ABTB2: variants seen among roughly 807,000 people sequenced by gnomAD.
ABTB2 encodes the protein ankyrin repeat and BTB/POZ domain-containing protein 2.
ABTB2 carries 56 observed loss-of-function variants against 104.1 expected under a neutral mutation model. The observed-to-expected ratio is 0.54, with a 90% CI of 0.43 to 0.67. ABTB2 has a LOEUF of 0.67. ABTB2 is among the 30% of genes least tolerant of loss of function. ABTB2 has a pLI of 0.00. For synonymous variants in ABTB2, 606 were observed against 608.2 expected, an observed-to-expected ratio of 1.00 and a Z score of 0.05; for missense variants, 1,279 against 1,407.7, an observed-to-expected ratio of 0.91 and a Z score of 1.46.
chr11:34,263,048 G>C (rs1013734642), intron 1 of ABTB2, among the ~76,000 whole-genome samples: 1 of 152,160 alleles, frequency 6.6e-6, no homozygotes, highest in Non-Finnish European at 1.5e-5. Flanking sequence ...CCAGGGCCCT[G>C]ATGCTAAAGG....
chr11:34,300,116 G>A (rs1385423722), intron 1 of ABTB2, among the ~76,000 whole-genome samples: 2 of 152,082 alleles, frequency 1.3e-5, no homozygotes, highest in Non-Finnish European at 2.9e-5. Flanking sequence ...AGAATATATT[G>A]TTTTCTTTAG....
At chr11:34,325,508 G>C (rs1251687853) in intron 1 of ABTB2, among the ~76,000 whole-genome samples, 1 of 152,192 alleles carries the variant, frequency 6.6e-6, no homozygotes, top group African/African-American at 2.4e-5. Flanking sequence ...TAGCATTATT[G>C]AAATAGCAAT....
At chr11:34,282,447 A>G (rs968934023) in intron 1 of ABTB2, among the ~76,000 whole-genome samples, 6 of 152,200 alleles carry the variant, frequency 3.9e-5, no homozygotes, top group Non-Finnish European at 7.3e-5. Context: ...TGTAAAGAAA[A>G]TATCTATATG....
At chr11:34,246,601 CAAA>C (rs60681759) in intron 1 of ABTB2, among the ~76,000 whole-genome samples, 1 of 34,770 alleles carries the variant, frequency 2.9e-5, no homozygotes, top group South Asian at 1.7e-3. Context: ...AACTCCATCT[CAAA>C]AAAAAAAAAA....
At chr11:34,291,788 G>A (rs1854567215) in intron 1 of ABTB2, among the ~76,000 whole-genome samples, 1 of 152,122 alleles carries the variant, frequency 6.6e-6, no homozygotes, top group Non-Finnish European at 1.5e-5. Context: ...GAGCCACCAC[G>A]CCCGGCCTGA....
At chr11:34,198,223 G>A (rs1853287590) in intron 2 of ABTB2, among the ~76,000 whole-genome samples, 1 of 152,132 alleles carries the variant, frequency 6.6e-6, no homozygotes, top group African/African-American at 2.4e-5. Flanking sequence ...CCAGGAGTTT[G>A]AGACCAGCCT....
At chr11:34,317,215 A>G (rs1854943413) in intron 1 of ABTB2, among the ~76,000 whole-genome samples, 1 of 152,218 alleles carries the variant, frequency 6.6e-6, no homozygotes. Flanking sequence ...TTTATATTCT[A>G]GATATGCCTG....
At chr11:34,229,215 G>A (rs559537928) in intron 1 of ABTB2, among the ~76,000 whole-genome samples, 23 of 151,894 alleles carry the variant, frequency 1.5e-4, no homozygotes, top group Non-Finnish European at 2.9e-4. Context: ...GGGTGCGGTG[G>A]CTCACGCCTG....
At chr11:34,273,397 G>A (rs1437231992) in intron 1 of ABTB2, among the ~76,000 whole-genome samples, 2 of 152,204 alleles carry the variant, frequency 1.3e-5, no homozygotes, top group East Asian at 1.9e-4. Context: ...AACCTCGACC[G>A]ACTCCAGGTT....
chr11:34,151,963 C>CGGTGGTCGCCG lies in ABTB2; in HGVS notation c.*423_*424insCGGCGACCACC. On this transcript the variant is annotated 3_prime_UTR_variant, in exon 17 of 17. Coordinates refer to ENST00000435224, the MANE Select transcript of ABTB2 (RefSeq NM_145804.3). ...ACTGGGGGCCTAGGCAGTATGCATT[C>CGGTGGTCGCCG]TATACATTCATAAGGATTCCTGTAC... 1 of 201,880 alleles carries CGGTGGTCGCCG rather than the reference C, an allele frequency of 5.0e-6. No individual in the cohort carries two copies. The highest frequency in any genetic ancestry group is 1.0e-5 in the Non-Finnish European group (1 of 98,476). 12.5% of individuals were successfully genotyped at this position (201,880 alleles called of 1,614,324 possible).
chr11:34,223,479 G>A (rs1212742387), intron 1 of ABTB2, among the ~76,000 whole-genome samples: 1 of 152,170 alleles, frequency 6.6e-6, no homozygotes, highest in East Asian at 1.9e-4. Context: ...ATCATTAGGA[G>A]CGTAGGCTGC....
intron 1 of ABTB2, among the ~76,000 whole-genome samples, chr11:34,339,457 T>G: frequency 6.6e-6 from 1 of 152,320 alleles, no homozygotes; most frequent in African/African-American, 2.4e-5. Flanking sequence ...AAGAAGAGTC[T>G]GAGTTACCCA....
chr11:34,226,089 A>G (rs1853682472), intron 1 of ABTB2, among the ~76,000 whole-genome samples: 2 of 150,492 alleles, frequency 1.3e-5, no homozygotes, highest in East Asian at 4.0e-4. Context: ...GTAGTCCCAG[A>G]TACTTGGGAG....
chr11:34,301,187 C>T (rs542649170), intron 1 of ABTB2, among the ~76,000 whole-genome samples: 1 of 152,312 alleles, frequency 6.6e-6, no homozygotes, highest in East Asian at 1.9e-4. Flanking sequence ...CTTGGTCCAC[C>T]TGGGTCACTT....
chr11:34,239,537 C>T (rs1671342019), intron 1 of ABTB2, among the ~76,000 whole-genome samples: 1 of 151,996 alleles, frequency 6.6e-6, no homozygotes, highest in Non-Finnish European at 1.5e-5. Flanking sequence ...CACTATGTTG[C>T]CCAGACTGGT....
At chr11:34,185,058 G>A (rs1853080066) in intron 3 of ABTB2, among the ~76,000 whole-genome samples, 2 of 152,214 alleles carry the variant, frequency 1.3e-5, no homozygotes. Context: ...GGGGACTTTT[G>A]TTTAGGCTCT....
intron 1 of ABTB2, among the ~76,000 whole-genome samples, chr11:34,237,875 G>A (rs1853865472): frequency 6.6e-6 from 1 of 152,076 alleles, no homozygotes; most frequent in Non-Finnish European, 1.5e-5. Context: ...TCCAGCCTGG[G>A]CAACAAGAGT....
At chr11:34,219,812 C>T (rs901834706) in intron 1 of ABTB2, among the ~76,000 whole-genome samples, 1 of 152,164 alleles carries the variant, frequency 6.6e-6, no homozygotes, top group Non-Finnish European at 1.5e-5. Context: ...ACAACAAAAT[C>T]ACCTATCCAT....
At chr11:34,288,216 T>A (rs1854527752) in intron 1 of ABTB2, among the ~76,000 whole-genome samples, 1 of 152,248 alleles carries the variant, frequency 6.6e-6, no homozygotes. Context: ...GAAAGCTTTT[T>A]TACAGTGAAC....
Sources: allele counts gnomAD v4.1 joint callset (sites outside exome capture counted in the v4.1 genomes callset), GRCh38; gene constraint gnomAD v4.1.1; transcripts MANE v1.5; gene names NCBI Gene and HGNC (gene_info 2026-07-23, HGNC 2026-07-21).